The following SLC68A1 variants were observed in gnomAD, a reference collection of about 807,000 sequenced individuals.
SLC68A1 encodes major facilitator superfamily domain containing 13A.
chr10:102,467,459 T>C, the SLC68A1 span, among the ~76,000 whole-genome samples: 2 of 152,234 alleles, frequency 1.3e-5, no homozygotes, highest in African/African-American at 4.8e-5. Context: ...GTAAAACTTA[T>C]CAGCTTGCAT....
the SLC68A1 span, chr10:102,472,232 C>T: frequency 1.3e-5 from 4 of 296,424 alleles, no homozygotes; most frequent in South Asian, 1.1e-4. Flanking sequence ...TAGAAATAAA[C>T]TGTTTTCATG....
chr10:102,473,100 A>G, the SLC68A1 span: 1 of 700,904 alleles, frequency 1.4e-6, no homozygotes, highest in Non-Finnish European at 2.5e-6. Flanking sequence ...TACTGGGATT[A>G]CAGGTGTGAG....
At chr10:102,466,482 CAAA>C in the SLC68A1 span, among the ~76,000 whole-genome samples, 46,257 of 100,182 alleles carry the variant, frequency 0.46, 8,146 homozygotes, top group Middle Eastern at 0.56. Flanking sequence ...GACTCCACCT[CAAA>C]AAAAAAAAAA....
the SLC68A1 span, among the ~76,000 whole-genome samples, chr10:102,463,677 T>G: frequency 2.6e-5 from 4 of 152,160 alleles, no homozygotes; most frequent in Admixed American, 2.6e-4. Context: ...AAACCTGTTT[T>G]GAATCTTGAC....
At chr10:102,463,169 CTTTT>C in the SLC68A1 span, among the ~76,000 whole-genome samples, 23 of 131,724 alleles carry the variant, frequency 1.7e-4, no homozygotes, top group Non-Finnish European at 1.8e-4. Context: ...CCCAGCCCTG[CTTTT>C]TTTTTTTTTT....
At chr10:102,473,531 A>C in the SLC68A1 span, 16 of 1,558,642 alleles carry the variant, frequency 1.0e-5, no homozygotes, top group South Asian at 1.9e-4. Context: ...GCACTGCAGC[A>C]GTGCCCTTGA....
the SLC68A1 span, among the ~76,000 whole-genome samples, chr10:102,473,411 C>T: frequency 6.6e-6 from 1 of 152,092 alleles, no homozygotes; most frequent in Non-Finnish European, 1.5e-5. Flanking sequence ...ATAGTACTCA[C>T]CTTAAGGGGC....
the SLC68A1 span, chr10:102,471,109 G>A: frequency 3.1e-6 from 5 of 1,613,044 alleles, no homozygotes; most frequent in South Asian, 4.4e-5. Flanking sequence ...GCCTGGTTGT[G>A]GATAGCGGGT....
chr10:102,473,912 G>T, the SLC68A1 span: 2 of 1,614,054 alleles, frequency 1.2e-6, no homozygotes, highest in Admixed American at 3.3e-5. Context: ...ACCGCAAGCA[G>T]GCAGCCTCGG....
the SLC68A1 span, among the ~76,000 whole-genome samples, chr10:102,467,702 G>C: frequency 3.9e-5 from 6 of 152,092 alleles, no homozygotes; most frequent in Admixed American, 3.9e-4. Flanking sequence ...TGGTGCCCAG[G>C]CTAGAGTGCG....
the SLC68A1 span, among the ~76,000 whole-genome samples, chr10:102,462,861 T>G: frequency 6.6e-6 from 1 of 152,204 alleles, no homozygotes; most frequent in East Asian, 1.9e-4. Context: ...TCCTCTGTTA[T>G]GATCACTATT....
the SLC68A1 span, among the ~76,000 whole-genome samples, chr10:102,467,595 A>G: frequency 2.0e-5 from 3 of 152,154 alleles, no homozygotes; most frequent in African/African-American, 7.2e-5. Context: ...CTGCCTTGGG[A>G]CAAGATAGGA....
chr10:102,475,586 T>G, the SLC68A1 span: 1 of 973,304 alleles, frequency 1.0e-6, no homozygotes, highest in Non-Finnish European at 1.5e-6. Context: ...AGGAGAGGAG[T>G]GGGTTTGGAG....
chr10:102,468,035 A>G, the SLC68A1 span, among the ~76,000 whole-genome samples: 1 of 41,798 alleles, frequency 2.4e-5, no homozygotes, highest in African/African-American at 6.4e-5. Flanking sequence ...TTTGGGCAGG[A>G]AAAAAAAAAA....
At chr10:102,475,696 G>A in the SLC68A1 span, 8 of 1,558,090 alleles carry the variant, frequency 5.1e-6, no homozygotes, top group Middle Eastern at 5.2e-4. Context: ...GGCTGACCAT[G>A]GTCTTTCTGT....
At chr10:102,467,273 T>C in the SLC68A1 span, among the ~76,000 whole-genome samples, 1 of 152,178 alleles carries the variant, frequency 6.6e-6, no homozygotes, top group Non-Finnish European at 1.5e-5. Flanking sequence ...TGGCCTCAAG[T>C]GATCTGCCCA....
chr10:102,476,930 A>G, the SLC68A1 span: 527,205 of 985,468 alleles, frequency 0.53, 141,604 homozygotes, highest in Middle Eastern at 0.61. Context: ...TCTCTGCTTC[A>G]GCTGTGCTTG....
the SLC68A1 span, chr10:102,475,576 A>G: frequency 3.4e-6 from 3 of 888,550 alleles, no homozygotes; most frequent in Non-Finnish European, 5.1e-6. Context: ...TGGGAAGAGT[A>G]GGAGAGGAGT....
the SLC68A1 span, chr10:102,471,134 G>A: frequency 1.1e-4 from 169 of 1,607,620 alleles, 1 homozygote; most frequent in Middle Eastern, 3.1e-3. Flanking sequence ...GGCCAGCCCC[G>A]GCTCTTCAGG....
Sources: gnomAD v4.1 joint callset for allele counts (sites outside exome capture counted in the v4.1 genomes callset) on GRCh38, gnomAD v4.1.1 for gene constraint, MANE v1.5 for transcripts, NCBI Gene and HGNC (gene_info 2026-07-23, HGNC 2026-07-21) for gene names.